NDUFA7: variants seen among roughly 807,000 people sequenced by gnomAD.
NDUFA7 encodes the protein NADH dehydrogenase [ubiquinone] 1 alpha subcomplex subunit 7.
In NDUFA7, 18 loss-of-function variants were observed where a neutral mutation model predicts 14.2. The ratio of observed to expected loss-of-function variants is 1.27; its 90% confidence interval spans 0.88 to 1.88. The LOEUF is 1.88. NDUFA7 is among the 40% of genes most tolerant of loss of function. The pLI is 0.00. For synonymous variants in NDUFA7, 75 were observed against 62.1 expected (o/e 1.21, Z -0.98); for missense variants, 172 against 147.3 (o/e 1.17, Z -0.87).
At chr19:8,311,637 G>T in intron 3 of NDUFA7, 42 bp from the exon 4 acceptor site, 2 of 1,566,798 alleles carry the variant, frequency 1.3e-6, no homozygotes, top group Non-Finnish European at 1.7e-6. Context: ...CCAAAGAACA[G>T]TGTGGAAAGA....
At chr19:8,310,385 C>T (rs113570184), downstream of NDUFA7, 505 of 151,942 alleles carry the variant, frequency 3.3e-3, 1 homozygote, top group African/African-American at 0.011. Context: ...GCCGTGATCG[C>T]GCCATTGTAC....
At chr19:8,320,989 C>CCTT in intron 1 of NDUFA7, 83 bp from the exon 2 acceptor site, 9 of 1,492,190 alleles carry the variant, frequency 6.0e-6, no homozygotes, top group African/African-American at 1.4e-5. Context: ...AGGGATGGTC[C>CCTT]GGGGATGCGC....
In NDUFA7 at chr19:8,316,537, C is replaced by T; in HGVS notation, c.210G>A (p.Met70Ile). The part of the protein sequence containing the change: ...RRESVPPSII[M>I]SSQKALVSGK... ...CTGACACCAGCGCCTTCTGCGACGA[C>T]ATGATGATGGAAGGGGGCACAGATT... Residue 70 changes from methionine (M) to isoleucine (I), a missense_variant, in exon 3 of 4, where the codon ATG becomes ATA. Met to Ile is a conservative substitution (Grantham distance 10, BLOSUM62 1). Coordinates refer to ENST00000301457, the MANE Select transcript of NDUFA7 (RefSeq NM_005001.5). 3.7e-6 allele frequency: 6 copies of T among 1,614,090 alleles called. No individual in the cohort carries two copies. Among genetic ancestry groups the T allele is most frequent in the Non-Finnish European group, 5.1e-6 (6 of 1,180,024 alleles).
At chr19:8,320,657 C>T (rs191297175) in intron 2 of NDUFA7, among the ~76,000 whole-genome samples, 200 bp downstream of exon 2, 1 of 152,340 alleles carries the variant, frequency 6.6e-6, no homozygotes, top group Admixed American at 6.5e-5. Context: ...AGTCAGAATG[C>T]ACGCCCGGCC....
At chr19:8,308,871 T>C (rs555178919), downstream of NDUFA7, 3 of 152,238 alleles carry the variant, frequency 2.0e-5, no homozygotes, top group African/African-American at 7.2e-5. Flanking sequence ...ACGTCCATTC[T>C]CGGAGTCGGG....
intron 2 of NDUFA7, chr19:8,316,858 G>A (rs1232109215): frequency 1.8e-6 from 1 of 565,686 alleles, no homozygotes; most frequent in East Asian, 3.1e-5. Context: ...TGCTCTGGAT[G>A]TGAAGATGCC....
intron 3 of NDUFA7, among the ~76,000 whole-genome samples, chr19:8,316,100 G>T (rs1446742869): frequency 7.6e-6 from 1 of 131,312 alleles, no homozygotes; most frequent in Non-Finnish European, 1.6e-5. Context: ...AGTGAGCCGA[G>T]ATCACACCAC....
downstream of NDUFA7, among the ~76,000 whole-genome samples, chr19:8,309,520 C>G (rs570673300): frequency 6.6e-6 from 1 of 152,220 alleles, no homozygotes; most frequent in African/African-American, 2.4e-5. Context: ...CAGATGCCGT[C>G]AGCGGCATGC....
At chr19:8,314,416 T>C (rs979044138) in intron 3 of NDUFA7, among the ~76,000 whole-genome samples, 1 of 152,212 alleles carries the variant, frequency 6.6e-6, no homozygotes, top group Non-Finnish European at 1.5e-5. Context: ...TCATCTGTTT[T>C]GTAGGATGCA....
chr19:8,319,652 T>C (rs1217099629), intron 2 of NDUFA7: 1 of 152,176 alleles, frequency 6.6e-6, no homozygotes, highest in African/African-American at 2.4e-5. Flanking sequence ...ATAAATTTCA[T>C]TATTTTAATG....
chr19:8,314,396 AC>A (rs1397866376), intron 3 of NDUFA7, among the ~76,000 whole-genome samples: 1 of 143,494 alleles, frequency 7.0e-6, no homozygotes. Context: ...CCTTGGAGGG[AC>A]CCCGGACTTC....
At chr19:8,319,992 C>T (rs1316399014) in intron 2 of NDUFA7, among the ~76,000 whole-genome samples, 2 of 152,042 alleles carry the variant, frequency 1.3e-5, no homozygotes, top group African/African-American at 4.8e-5. Flanking sequence ...ACTACCCGCG[C>T]GCGCCACCAC....
At chr19:8,315,509 C>T (rs1970222757) in intron 3 of NDUFA7, among the ~76,000 whole-genome samples, 1 of 152,172 alleles carries the variant, frequency 6.6e-6, no homozygotes, top group Non-Finnish European at 1.5e-5. Context: ...GTATCTAAAG[C>T]ACAGCACTTA....
chr19:8,318,940 A>G (rs1970267696), intron 2 of NDUFA7, among the ~76,000 whole-genome samples: 1 of 151,054 alleles, frequency 6.6e-6, no homozygotes, highest in Admixed American at 6.6e-5. Context: ...ACTGCACTCC[A>G]GCTTGGCGAC....
At chr19:8,309,937 T>C (rs1253348820), downstream of NDUFA7, among the ~76,000 whole-genome samples, 4 of 152,200 alleles carry the variant, frequency 2.6e-5, no homozygotes, top group Admixed American at 6.5e-5. Flanking sequence ...AATTCATTCT[T>C]ATCCCACAGC....
At chr19:8,309,119 G>T (rs2145385432), downstream of NDUFA7, among the ~76,000 whole-genome samples, 1 of 152,090 alleles carries the variant, frequency 6.6e-6, no homozygotes, top group South Asian at 2.1e-4. Context: ...CTACTCAGGA[G>T]GCTGAGGTGG....
At chr19:8,321,217 C>T in intron 1 of NDUFA7, 91 bp downstream of exon 1, 6 of 1,394,278 alleles carry the variant, frequency 4.3e-6, no homozygotes, top group Non-Finnish European at 5.7e-6. Flanking sequence ...GCGAAGGGTC[C>T]CGGCTTAGGA....
chr19:8,321,115 G>T, intron 1 of NDUFA7, 193 bp downstream of exon 1: 2 of 885,330 alleles, frequency 2.3e-6, no homozygotes, highest in South Asian at 3.4e-5. Flanking sequence ...CGGGGACTGG[G>T]GAAATCCCAG....
chr19:8,321,200 G>C, intron 1 of NDUFA7, 108 bp downstream of exon 1: 2 of 1,317,166 alleles, frequency 1.5e-6, no homozygotes, highest in Non-Finnish European at 2.0e-6. Context: ...AGGGAGATTC[G>C]GGGAGAGCGA....
Sources: gnomAD v4.1 joint callset for allele counts (sites outside exome capture counted in the v4.1 genomes callset) on GRCh38, gnomAD v4.1.1 for gene constraint, MANE v1.5 for transcripts, NCBI Gene and HGNC (gene_info 2026-07-23, HGNC 2026-07-21) for gene names.